KCNMA1: variants seen among roughly 807,000 people sequenced by gnomAD.
KCNMA1 encodes the protein Calcium-activated potassium channel subunit alpha-1.
Under a neutral mutation model 140.0 loss-of-function variants are expected in KCNMA1, and 29 were observed. The ratio of observed to expected loss-of-function variants is 0.21; its 90% CI spans 0.15 to 0.28. The LOEUF is 0.28. KCNMA1 is among the 10% of genes least tolerant of loss of function. The pLI, the probability that KCNMA1 is intolerant of heterozygous loss-of-function variation, is 1.00. For synonymous variants in KCNMA1, 612 were observed against 611.9 expected (o/e 1.00, Z 0.00); for missense variants, 880 against 1,602.2 (o/e 0.55, Z 7.70).
chr10:76,902,889 G>GGA (rs542149285), intron 25 of KCNMA1: 44 of 152,252 alleles, frequency 2.9e-4, no homozygotes, highest in South Asian at 2.1e-3. Context: ...TCAAAAAATG[G>GGA]GAGTTTATAA....
chr10:77,010,254 C>T (rs1351157626), intron 18 of KCNMA1, among the ~76,000 whole-genome samples: 1 of 152,078 alleles, frequency 6.6e-6, no homozygotes, highest in Non-Finnish European at 1.5e-5. Context: ...TGCTGTGCTC[C>T]TTCTGATTGA....
At chr10:77,634,010 CTCCTA>C (rs2093480054) in intron 1 of KCNMA1, 1 of 313,282 alleles carries the variant, frequency 3.2e-6, no homozygotes, top group African/African-American at 2.3e-5. Flanking sequence ...TCCTCCCTCT[CTCCTA>C]TATCGAATCA....
At chr10:77,606,294 G>A (rs968416740) in intron 1 of KCNMA1, among the ~76,000 whole-genome samples, 7 of 152,188 alleles carry the variant, frequency 4.6e-5, no homozygotes, top group African/African-American at 1.7e-4. Flanking sequence ...AGCTCCTCCA[G>A]AGAAATGCCC....
At chr10:77,070,444 C>T (rs946842264) in intron 14 of KCNMA1, among the ~76,000 whole-genome samples, 5 of 152,158 alleles carry the variant, frequency 3.3e-5, no homozygotes, top group Non-Finnish European at 5.9e-5. Context: ...CAGACACGAC[C>T]GGCCTAGGGG....
At chr10:77,384,346 G>A (rs750775459) in intron 2 of KCNMA1, among the ~76,000 whole-genome samples, 18 of 152,200 alleles carry the variant, frequency 1.2e-4, no homozygotes, top group African/African-American at 1.7e-4. Context: ...TGTGTGCAGG[G>A]TTGAGGCAAG....
chr10:77,205,225 C>G (rs1011282266), intron 3 of KCNMA1, among the ~76,000 whole-genome samples: 1 of 152,178 alleles, frequency 6.6e-6, no homozygotes, highest in Admixed American at 6.6e-5. Context: ...TCTCTCTTTG[C>G]TTCAAATGAT....
rs184717431 is a variant in KCNMA1, at chr10:77,487,124, C to T, written c.379-83101G>A. 1.1e-4 allele frequency among the ~76,000 whole-genome samples: 17 copies of T among 152,322 alleles called. No individual in the cohort carries two copies. In the East Asian group the frequency reaches 3.1e-3, roughly 28 times the overall value. On this transcript the variant is annotated intron_variant, in intron 1 of 27. Coordinates refer to ENST00000286628, the MANE Select transcript of KCNMA1 (RefSeq NM_001161352.2). ...GTACCGTCCTGCCTAACTTTCTCTC[C>T]ATCCAGCTCAGCCCTAGAACTCAAC...
intron 1 of KCNMA1, among the ~76,000 whole-genome samples, chr10:77,463,959 G>A (rs921636403): frequency 3.9e-5 from 6 of 152,138 alleles, no homozygotes; most frequent in Admixed American, 6.5e-5. Flanking sequence ...GTAAGCTCCA[G>A]AGACCAGCGG....
intron 5 of KCNMA1, among the ~76,000 whole-genome samples, chr10:77,141,874 T>G (rs2098178586): frequency 6.6e-6 from 1 of 152,234 alleles, no homozygotes; most frequent in Admixed American, 6.5e-5. Flanking sequence ...ACATTTCTTC[T>G]CAATGTGGAT....
intron 3 of KCNMA1, among the ~76,000 whole-genome samples, chr10:77,233,765 T>A (rs1268767303): frequency 6.6e-6 from 1 of 152,186 alleles, no homozygotes; most frequent in Non-Finnish European, 1.5e-5. Context: ...ACCTAATAAA[T>A]TCGGAGGACC....
intron 3 of KCNMA1, among the ~76,000 whole-genome samples, chr10:77,231,591 G>A (rs1293391587): frequency 6.6e-6 from 1 of 152,048 alleles, no homozygotes; most frequent in Admixed American, 6.6e-5. Flanking sequence ...ACCTGTTATG[G>A]TCAACAACCT....
chr10:77,118,196 A>T (rs2097524878), intron 6 of KCNMA1, among the ~76,000 whole-genome samples: 1 of 152,202 alleles, frequency 6.6e-6, no homozygotes, highest in Admixed American at 6.5e-5. Context: ...GGGTCCCCCA[A>T]CCCACCCTTC....
At chr10:77,531,723 C>T (rs1446380261) in intron 1 of KCNMA1, among the ~76,000 whole-genome samples, 4 of 152,224 alleles carry the variant, frequency 2.6e-5, no homozygotes, top group Non-Finnish European at 5.9e-5. Flanking sequence ...GGGCTTCCAA[C>T]CTAGCCTGGA....
At chr10:77,596,502 T>C (rs1272407161) in intron 1 of KCNMA1, among the ~76,000 whole-genome samples, 1 of 152,192 alleles carries the variant, frequency 6.6e-6, no homozygotes, top group Non-Finnish European at 1.5e-5. Context: ...GTTTACACGA[T>C]CCTGCTCCAT....
intron 3 of KCNMA1, among the ~76,000 whole-genome samples, chr10:77,216,216 T>C (rs1302675765): frequency 2.6e-5 from 4 of 152,114 alleles, no homozygotes; most frequent in African/African-American, 9.7e-5. Flanking sequence ...TGATTGCCAA[T>C]TGATATAGGG....
chr10:77,009,992 C>T (rs1038225518), intron 18 of KCNMA1, among the ~76,000 whole-genome samples: 3 of 152,150 alleles, frequency 2.0e-5, no homozygotes, highest in Non-Finnish European at 4.4e-5. Context: ...TTGACCACTC[C>T]ATCCCTGAAA....
At chr10:77,368,417 G>C (rs1324583654) in intron 2 of KCNMA1, among the ~76,000 whole-genome samples, 2 of 152,126 alleles carry the variant, frequency 1.3e-5, no homozygotes, top group Non-Finnish European at 2.9e-5. Flanking sequence ...AATTTTGAGA[G>C]TTCTTTATAT....
intron 1 of KCNMA1, among the ~76,000 whole-genome samples, chr10:77,497,303 A>ACCTCAG (rs1167472089): frequency 6.6e-6 from 1 of 152,230 alleles, no homozygotes; most frequent in Non-Finnish European, 1.5e-5. Flanking sequence ...ATGCCTCTGG[A>ACCTCAG]GTGTCAGGTA....
At chr10:77,341,434 G>A (rs2090900348) in intron 2 of KCNMA1, among the ~76,000 whole-genome samples, 2 of 152,084 alleles carry the variant, frequency 1.3e-5, no homozygotes, top group Admixed American at 6.6e-5. Context: ...CTCTCTGCAT[G>A]TGTCTCCATT....
Sources: allele counts gnomAD v4.1 joint callset (sites outside exome capture counted in the v4.1 genomes callset), GRCh38; gene constraint gnomAD v4.1.1; transcripts MANE v1.5; gene names NCBI Gene and HGNC (gene_info 2026-07-23, HGNC 2026-07-21).